The following C9orf153 variants were observed in gnomAD, a reference collection of about 807,000 sequenced individuals.
C9orf153 encodes the protein chromosome 9 open reading frame 153, also known as uncharacterized protein C9orf153.
A neutral mutation model predicts 9.0 loss-of-function variants in C9orf153; 10 were observed. That is an observed-to-expected ratio of 1.11 (90% CI 0.69 to 1.89). C9orf153 has a LOEUF of 1.89. C9orf153 is among the 40% of genes most tolerant of loss of function. The pLI, the probability that C9orf153 is intolerant of heterozygous loss-of-function variation, is 0.00. For synonymous variants in C9orf153, 35 were observed against 37.3 expected (o/e 0.94, Z 0.23); for missense variants, 108 against 111.0 (o/e 0.97, Z 0.12).
At chr9:86,244,220 A>G (rs772953178) in intron 1 of C9orf153, among the ~76,000 whole-genome samples, 16 of 152,316 alleles carry the variant, frequency 1.1e-4, no homozygotes, top group East Asian at 1.9e-4. Context: ...TTTTGCCTGT[A>G]TCTTTCACCT....
Position 86,220,756 on chromosome 9 carries a change from C to A in C9orf153, c.*932G>T, listed in dbSNP as rs964123824. ...CATGTGTTTCTTGAGATTTTTCTGTCATTTTATTTTCACATATCACTTAAT... is the reference window on the plus strand; with the variant it reads ...CATGTGTTTCTTGAGATTTTTCTGTAATTTTATTTTCACATATCACTTAAT... On this transcript the variant is annotated 3_prime_UTR_variant, in exon 4 of 4. Coordinates refer to ENST00000339137, the MANE Select transcript of C9orf153 (RefSeq NM_001276366.4). 2.6e-5 allele frequency: 4 copies of A among 152,004 alleles called. No homozygotes were observed. The highest frequency in any genetic ancestry group is 1.3e-4 in the Admixed American group (2 of 15,232). 9.4% of individuals were successfully genotyped at this position (152,004 alleles called of 1,614,324 possible).
intron 1 of C9orf153, chr9:86,258,488 G>A (rs995713541): frequency 6.6e-6 from 1 of 152,086 alleles, no homozygotes; most frequent in African/African-American, 2.4e-5. Flanking sequence ...CCCAAAGAAC[G>A]GCCCTCCTCT....
chr9:86,221,908 G>A (rs911577428), intron 3 of C9orf153, among the ~76,000 whole-genome samples, 175 bp from the exon 4 acceptor site: 2 of 151,546 alleles, frequency 1.3e-5, no homozygotes, highest in Admixed American at 1.3e-4. Flanking sequence ...ATTTTGAGAC[G>A]GAGTTTTGCT....
chr9:86,221,857 C>A (rs189238512), intron 3 of C9orf153, 124 bp from the exon 4 acceptor site: 1 of 548,632 alleles, frequency 1.8e-6, no homozygotes. Flanking sequence ...TGGCAGAAAG[C>A]CATTTCTAAA....
At position 86,251,942 on chromosome 9, in the gene C9orf153, C is replaced by CACACACACACACACACACGA. The variant is rs367793280; in HGVS notation, c.-27+7607_-27+7608insTCGTGTGTGTGTGTGTGTGT. 4.8e-3 allele frequency among the ~76,000 whole-genome samples: 723 copies of CACACACACACACACACACGA among 149,678 alleles called. 16 individuals are homozygous for CACACACACACACACACACGA. Among genetic ancestry groups the CACACACACACACACACACGA allele is most frequent in the African/African-American group, 0.017 (675 of 40,138 alleles). On this transcript the variant is annotated intron_variant, in intron 1 of 3. Coordinates refer to ENST00000339137, the MANE Select transcript of C9orf153 (RefSeq NM_001276366.4). ...ACACACACACACACACACACACACA[C>CACACACACACACACACACGA]GAGAGAGAGAGAGGAGAGGGGGAGA...
intron 1 of C9orf153, among the ~76,000 whole-genome samples, chr9:86,233,823 G>A (rs1354489337): frequency 1.3e-5 from 2 of 152,134 alleles, no homozygotes; most frequent in South Asian, 2.1e-4. Context: ...GGTGACTGGC[G>A]CCTGTAATCC....
chr9:86,241,332 C>T (rs1237299177), intron 1 of C9orf153, among the ~76,000 whole-genome samples: 1 of 146,864 alleles, frequency 6.8e-6, no homozygotes, highest in Non-Finnish European at 1.5e-5. Flanking sequence ...CCAGGTCCTG[C>T]CCGGAGCTGG....
chr9:86,251,714 G>A (rs1453296028), intron 1 of C9orf153, among the ~76,000 whole-genome samples: 1 of 151,898 alleles, frequency 6.6e-6, no homozygotes, highest in Non-Finnish European at 1.5e-5. Flanking sequence ...ATTGTAAGAG[G>A]TTATAAAAGG....
At chr9:86,240,335 G>A (rs1282457184) in intron 1 of C9orf153, among the ~76,000 whole-genome samples, 1 of 151,026 alleles carries the variant, frequency 6.6e-6, no homozygotes, top group South Asian at 2.1e-4. Flanking sequence ...TGATCTTGCC[G>A]CACATGCATT....
chr9:86,240,535 G>A (rs1824709503), intron 1 of C9orf153, among the ~76,000 whole-genome samples: 1 of 150,830 alleles, frequency 6.6e-6, no homozygotes, highest in South Asian at 2.1e-4. Flanking sequence ...ACACCACCAC[G>A]CCCGGCTAAT....
intron 1 of C9orf153, among the ~76,000 whole-genome samples, chr9:86,250,349 T>C (rs1824968278): frequency 6.6e-6 from 1 of 152,190 alleles, no homozygotes; most frequent in East Asian, 1.9e-4. Flanking sequence ...AGAACAACTT[T>C]AGCCTGTGCT....
intron 1 of C9orf153, among the ~76,000 whole-genome samples, chr9:86,242,207 G>A (rs1330574874): frequency 6.6e-6 from 1 of 152,140 alleles, no homozygotes; most frequent in Non-Finnish European, 1.5e-5. Flanking sequence ...CGGGGCAAAG[G>A]CCATGTGCTG....
chr9:86,235,783 A>G (rs1025646685), intron 1 of C9orf153, among the ~76,000 whole-genome samples: 13 of 151,008 alleles, frequency 8.6e-5, no homozygotes, highest in Admixed American at 2.6e-4. Context: ...GAGAGAAAGA[A>G]AAACACTGGA....
intron 1 of C9orf153, among the ~76,000 whole-genome samples, chr9:86,254,044 T>C (rs1390002004): frequency 6.8e-6 from 1 of 147,754 alleles, no homozygotes; most frequent in Non-Finnish European, 1.5e-5. Context: ...TGAGCCGAGA[T>C]TGCGCCATTG....
chr9:86,241,631 G>A (rs1265907715), intron 1 of C9orf153, among the ~76,000 whole-genome samples: 1 of 148,538 alleles, frequency 6.7e-6, no homozygotes, highest in Non-Finnish European at 1.5e-5. Flanking sequence ...ACATTTCGTT[G>A]TTTTTTTTTT....
chr9:86,224,324 C>T (rs1261954814), intron 3 of C9orf153, among the ~76,000 whole-genome samples: 1 of 151,788 alleles, frequency 6.6e-6, no homozygotes, highest in South Asian at 2.1e-4. Context: ...AAGGTTGAGG[C>T]TGCAGTGAGC....
At chr9:86,251,464 A>AAT (rs770172646) in intron 1 of C9orf153, among the ~76,000 whole-genome samples, 3 of 152,180 alleles carry the variant, frequency 2.0e-5, no homozygotes, top group East Asian at 1.9e-4. Flanking sequence ...CTTTGTAATT[A>AAT]ATATATATAT....
At chr9:86,240,703 TTTTC>T (rs1211158365) in intron 1 of C9orf153, among the ~76,000 whole-genome samples, 1 of 44,734 alleles carries the variant, frequency 2.2e-5, no homozygotes, top group Non-Finnish European at 3.3e-5. Flanking sequence ...TTCTTTTTCT[TTTTC>T]TTTTTTTTTT....
intron 3 of C9orf153, among the ~76,000 whole-genome samples, chr9:86,223,583 C>G (rs780535751): frequency 6.6e-6 from 1 of 152,136 alleles, no homozygotes; most frequent in Non-Finnish European, 1.5e-5. Context: ...GAGGGGGGAG[C>G]TAAGAACTCT....
Sources: gnomAD v4.1 joint callset for allele counts (sites outside exome capture counted in the v4.1 genomes callset) on GRCh38, gnomAD v4.1.1 for gene constraint, MANE v1.5 for transcripts, NCBI Gene and HGNC (gene_info 2026-07-23, HGNC 2026-07-21) for gene names.